CAMK1D: variants seen among roughly 807,000 people sequenced by gnomAD.
The protein encoded by CAMK1D is calcium/calmodulin dependent protein kinase ID, also known as calcium/calmodulin-dependent protein kinase type 1D.
CAMK1D carries 9 observed loss-of-function variants against 47.7 expected under a neutral mutation model. The observed-to-expected ratio is 0.19, with a 90% CI of 0.11 to 0.33. The LOEUF is 0.33. CAMK1D is among the 10% of genes least tolerant of loss of function. The probability of loss-of-function intolerance (pLI) is 1.00; values close to 1 mark genes in which losing one functional copy is unlikely to be tolerated. For missense variants in CAMK1D, 291 were observed against 488.7 expected (o/e 0.60, Z 3.81); for synonymous variants, 184 against 184.9 (o/e 0.99, Z 0.04).
chr10:12,623,387 T>G (rs113171511), intron 2 of CAMK1D, among the ~76,000 whole-genome samples: 1 of 2,016 alleles, frequency 5.0e-4, no homozygotes, highest in African/African-American at 1.7e-3. Context: ...TTTCCCTCCT[T>G]CCTCCCTCCC....
At chr10:12,605,087 C>T (rs887747023) in intron 2 of CAMK1D, among the ~76,000 whole-genome samples, 1 of 152,012 alleles carries the variant, frequency 6.6e-6, no homozygotes, top group African/African-American at 2.4e-5. Flanking sequence ...CGGGGTTTCA[C>T]CATGTTATAC....
At chr10:12,631,915 TTC>T (rs1839390311) in intron 2 of CAMK1D, among the ~76,000 whole-genome samples, 1 of 152,180 alleles carries the variant, frequency 6.6e-6, no homozygotes, top group Admixed American at 6.5e-5. Context: ...CAGACCGTGT[TTC>T]TGTCTCTCTT....
At chr10:12,527,002 T>TAGCA (rs1240411985) in intron 1 of CAMK1D, among the ~76,000 whole-genome samples, 1 of 151,818 alleles carries the variant, frequency 6.6e-6, no homozygotes, top group Non-Finnish European at 1.5e-5. Context: ...CTAGGCAATG[T>TAGCA]AGCAAGACCC....
intron 2 of CAMK1D, among the ~76,000 whole-genome samples, chr10:12,589,395 AC>A (rs1837930246): frequency 6.6e-6 from 1 of 152,170 alleles, no homozygotes; most frequent in Non-Finnish European, 1.5e-5. Context: ...AAAGAGGCTG[AC>A]CACCTCCATG....
chr10:12,634,260 C>T (rs1043136901), intron 2 of CAMK1D, among the ~76,000 whole-genome samples: 1 of 152,188 alleles, frequency 6.6e-6, no homozygotes, highest in Non-Finnish European at 1.5e-5. Context: ...CTGTTTCACG[C>T]TGCACAGTAT....
At chr10:12,430,298 A>G (rs936253249) in intron 1 of CAMK1D, among the ~76,000 whole-genome samples, 3 of 152,122 alleles carry the variant, frequency 2.0e-5, no homozygotes, top group African/African-American at 7.2e-5. Context: ...AATGAACACG[A>G]TCCGCTCTCC....
intron 2 of CAMK1D, among the ~76,000 whole-genome samples, chr10:12,644,258 C>G (rs1335945222): frequency 6.6e-6 from 1 of 152,152 alleles, no homozygotes; most frequent in Non-Finnish European, 1.5e-5. Flanking sequence ...ACAAGCAGGG[C>G]AGAGTTAGCT....
At chr10:12,368,616 C>T (rs1837916251) in intron 1 of CAMK1D, among the ~76,000 whole-genome samples, 1 of 151,442 alleles carries the variant, frequency 6.6e-6, no homozygotes, top group Non-Finnish European at 1.5e-5. Flanking sequence ...GGTTTTGTTG[C>T]AATAACAAGA....
At chr10:12,713,383 G>A (rs1349246577) in intron 3 of CAMK1D, among the ~76,000 whole-genome samples, 1 of 152,174 alleles carries the variant, frequency 6.6e-6, no homozygotes, top group African/African-American at 2.4e-5. Flanking sequence ...GTTTTACCCT[G>A]AGGTTGGTGA....
intron 1 of CAMK1D, among the ~76,000 whole-genome samples, chr10:12,458,880 C>CTTTTTTTT (rs35804649): frequency 8.3e-6 from 1 of 120,680 alleles, no homozygotes; most frequent in Non-Finnish European, 1.7e-5. Context: ...CCTTTCTTTC[C>CTTTTTTTT]TTTTTTTTTT....
intron 2 of CAMK1D, among the ~76,000 whole-genome samples, chr10:12,642,873 A>T (rs1055406343): frequency 6.6e-6 from 1 of 152,344 alleles, no homozygotes; most frequent in East Asian, 1.9e-4. Flanking sequence ...GATAAAATAT[A>T]TGTAAAAATG....
At chr10:12,479,100 T>G (rs1016115902) in intron 1 of CAMK1D, among the ~76,000 whole-genome samples, 1 of 152,182 alleles carries the variant, frequency 6.6e-6, no homozygotes, top group Non-Finnish European at 1.5e-5. Context: ...TGCATCATAG[T>G]CTCCTGTGGA....
chr10:12,505,778 G>A (rs1378646658), intron 1 of CAMK1D, among the ~76,000 whole-genome samples: 1 of 152,194 alleles, frequency 6.6e-6, no homozygotes, highest in Non-Finnish European at 1.5e-5. Flanking sequence ...GCCAGGACTT[G>A]ATGCTCTAGC....
At chr10:12,453,145 C>G (rs1041660906) in intron 1 of CAMK1D, among the ~76,000 whole-genome samples, 1 of 152,078 alleles carries the variant, frequency 6.6e-6, no homozygotes, top group African/African-American at 2.4e-5. Context: ...GTCCTCAAGA[C>G]CCATCCAGTT....
intron 3 of CAMK1D, among the ~76,000 whole-genome samples, chr10:12,717,277 G>C (rs1834181576): frequency 6.6e-6 from 1 of 152,110 alleles, no homozygotes; most frequent in African/African-American, 2.4e-5. Flanking sequence ...ACTCTTAACT[G>C]CTTGTTCCTC....
intron 2 of CAMK1D, among the ~76,000 whole-genome samples, chr10:12,605,876 A>G (rs2132399893): frequency 6.6e-6 from 1 of 152,098 alleles, no homozygotes; most frequent in South Asian, 2.1e-4. Context: ...GGGCCTGTGG[A>G]GCCTGTTGCC....
At position 12,496,941 on chromosome 10, in the gene CAMK1D, C is replaced by T. The variant is rs553584217; in HGVS notation, c.93-56284C>T. 3.3e-5 allele frequency among the ~76,000 whole-genome samples: 5 copies of T among 152,170 alleles called. 1 individual carries two copies. The East Asian group carries it at 7.7e-4, about 24-fold the overall frequency. The stretch of plus-strand genomic sequence containing the variant: ...TGTGTGGTGTTTTCCTCCCTGTGTC[C>T]GTGTGTTCGCATAGTTCAGCTCCCA... On this transcript the variant is annotated intron_variant, in intron 1 of 10. Coordinates refer to ENST00000619168, the MANE Select transcript of CAMK1D (RefSeq NM_153498.4).
intron 1 of CAMK1D, among the ~76,000 whole-genome samples, chr10:12,407,703 T>C (rs1327168271): frequency 1.3e-5 from 2 of 152,200 alleles, no homozygotes; most frequent in Non-Finnish European, 2.9e-5. Context: ...TTTCCAGCTG[T>C]GGTCCAAGTT....
At chr10:12,479,738 G>A (rs78785455) in intron 1 of CAMK1D, among the ~76,000 whole-genome samples, 3,948 of 152,318 alleles carry the variant, frequency 0.026, 101 homozygotes, top group East Asian at 0.08. Flanking sequence ...GTTCAGGAGA[G>A]CGGCTCTTCT....
Sources: allele counts gnomAD v4.1 joint callset (sites outside exome capture counted in the v4.1 genomes callset), GRCh38; gene constraint gnomAD v4.1.1; transcripts MANE v1.5; gene names NCBI Gene and HGNC (gene_info 2026-07-23, HGNC 2026-07-21).